PIGQ: variants seen among roughly 807,000 people sequenced by gnomAD.
The protein encoded by PIGQ is phosphatidylinositol N-acetylglucosaminyltransferase subunit Q.
In PIGQ, 54 loss-of-function variants were observed where a neutral mutation model predicts 60.3. The ratio of observed to expected loss-of-function variants is 0.90; its 90% confidence interval spans 0.72 to 1.12. PIGQ has a LOEUF of 1.12. PIGQ is among the 50% of genes most tolerant of loss of function. PIGQ has a pLI of 0.00. For missense variants in PIGQ, 799 were observed against 793.5 expected, an observed-to-expected ratio of 1.01 and a Z score of -0.08; for synonymous variants, 416 against 363.7, an observed-to-expected ratio of 1.14 and a Z score of -1.64.
chr16:575,565 C>G (rs2035702816), intron 2 of PIGQ, among the ~76,000 whole-genome samples: 1 of 152,186 alleles, frequency 6.6e-6, no homozygotes, highest in Non-Finnish European at 1.5e-5. Context: ...CTGGCAGGCG[C>G]TTCTTGGCAC....
chr16:571,038 CGTGTGTGTGTGTGTGTGT>C (rs1176149269), intron 1 of PIGQ, among the ~76,000 whole-genome samples: 3 of 85,224 alleles, frequency 3.5e-5, no homozygotes, highest in Non-Finnish European at 5.2e-5. Context: ...GCCTGGCGCC[CGTGTGTGTGTGTGTGTGT>C]GTGTGTGTGT....
At position 578,420 on chromosome 16, in the gene PIGQ, G is replaced by C. The variant is rs993747440; in HGVS notation, c.984G>C (p.Met328Ile). The part of the protein sequence containing the change: ...EELQHLLQWL[M>I]GAPAGLKMNR... ...TCCAGCATCTGCTGCAGTGGCTGATGGGTGCTCCCGCCGGGCTCAAGATGA... is the reference window on the plus strand; with the variant it reads ...TCCAGCATCTGCTGCAGTGGCTGATCGGTGCTCCCGCCGGGCTCAAGATGA... The change falls in exon 5 of 11, where the codon ATG becomes ATC. Residue 328 changes from methionine to isoleucine, a missense_variant. Met to Ile is a conservative substitution (Grantham distance 10, BLOSUM62 1). Coordinates refer to ENST00000321878, the MANE Select transcript of PIGQ (RefSeq NM_004204.5). 6.2e-7 allele frequency: 1 copy of C among 1,612,072 alleles called. No homozygotes were observed. The highest frequency in any genetic ancestry group is 1.3e-5 in the African/African-American group (1 of 74,932).
intron 4 of PIGQ, chr16:577,305 T>G (rs147888861): frequency 1.3e-5 from 2 of 151,946 alleles, no homozygotes; most frequent in Non-Finnish European, 1.5e-5. Flanking sequence ...CAGCCGGGGG[T>G]GGTGGCTCAT....
chr16:578,774 C>A lies in PIGQ; in HGVS notation c.1070-11C>A, dbSNP rs770120211. 9 of 1,612,000 alleles carry A rather than the reference C, an allele frequency of 5.6e-6. No individual in the cohort carries two copies. The highest frequency in any genetic ancestry group is 7.6e-6 in the Non-Finnish European group (9 of 1,178,710). ...CTGAGCGCCTCCTGAGGGCCTACCCCACCCTGCCAGGCTACATCCACCTCA... is the reference window on the plus strand; with the variant it reads ...CTGAGCGCCTCCTGAGGGCCTACCCAACCCTGCCAGGCTACATCCACCTCA... On this transcript the variant is annotated splice_polypyrimidine_tract_variant and intron_variant, in intron 5 of 10. Transcript: ENST00000321878.
chr16:571,488 CTGTG>C (rs71299924), intron 1 of PIGQ, among the ~76,000 whole-genome samples: 1,646 of 61,732 alleles, frequency 0.027, 29 homozygotes, highest in East Asian at 0.056. Context: ...TCTGGTTAGC[CTGTG>C]TGTGTGTGTG....
In PIGQ at chr16:574,565, C is replaced by G. The variant is rs1444325179; in HGVS notation, c.491C>G (p.Ala164Gly). The change falls in exon 2 of 11, where the codon GCC becomes GGC. Residue 164 changes from alanine (A) to glycine (G), a missense_variant. Ala to Gly is a moderately conservative substitution (Grantham distance 60). Transcript: ENST00000321878. ...ATTASTGGLA[A>G]VFDTVARSEV... is the part of the protein sequence containing the mutation. ...ACTGCCAGCACGGGGGGCCTGGCTG[C>G]CGTCTTCGACACGGTAGCACGCAGT... is the stretch of plus-strand genomic sequence containing the variant. The G allele has an allele frequency of 1.9e-6, 3 of 1,602,804 alleles. No individual in the cohort carries two copies.
intron 10 of PIGQ, 68 bp downstream of exon 10, chr16:582,377 G>C (rs1294847730): frequency 1.7e-6 from 2 of 1,208,256 alleles, no homozygotes; most frequent in African/African-American, 3.0e-5. Flanking sequence ...GGGTCAGCTG[G>C]GTGTAGTGTC....
intron 10 of PIGQ, 188 bp from the exon 11 acceptor site, chr16:582,695 C>T (rs1355338164): frequency 5.8e-6 from 4 of 685,652 alleles, no homozygotes; most frequent in African/African-American, 1.8e-5. Flanking sequence ...GCTTCTGCCT[C>T]CCCCCAGCGC....
In PIGQ at chr16:582,921, C is replaced by T; in HGVS notation, c.1632C>T (p.Tyr544=). Residue 544 remains tyrosine (Y), a synonymous_variant, in exon 11 of 11, where the codon TAC becomes TAT. Transcript: ENST00000321878. Reference sequence around the variant, plus strand: ...CCTACAGCCGCGTGGTGCACACCTACCGCCTCCCCAGCTGTGGCTGCCACC... The same window carrying T: ...CCTACAGCCGCGTGGTGCACACCTATCGCCTCCCCAGCTGTGGCTGCCACC... ...PLPYSRVVHT[Y]RLPSCGCHPK... The T allele has an allele frequency of 1.9e-6, 3 of 1,612,140 alleles. No homozygotes were observed. Among genetic ancestry groups the T allele is most frequent in the Non-Finnish European group, 2.5e-6 (3 of 1,179,582 alleles).
At chr16:571,106 T>G (rs1567173447) in intron 1 of PIGQ, among the ~76,000 whole-genome samples, 1 of 2,780 alleles carries the variant, frequency 3.6e-4, no homozygotes, top group Non-Finnish European at 6.6e-4. Context: ...TGTGTGTGTG[T>G]GTCTGGCTAG....
rs1463376903 is a variant in PIGQ, at chr16:574,086, G to T, written c.12G>T (p.Lys4Asn). The change falls in exon 2 of 11, where the codon AAG (lysine) becomes AAT (asparagine). Residue 4 changes from lysine to asparagine, a missense_variant. Coordinates refer to ENST00000321878, the MANE Select transcript of PIGQ (RefSeq NM_004204.5). The part of the protein sequence containing the change: MVL[K>N]AFFPTCCVST... ...TCCAGCCTCCCGGCATGGTGCTCAA[G>T]GCCTTCTTCCCCACGTGCTGCGTCT... The T allele has an allele frequency of 1.9e-6, 3 of 1,603,364 alleles. No homozygotes were observed. In the African/African-American group the frequency reaches 4.0e-5, roughly 21 times the overall value.
intron 7 of PIGQ, chr16:579,926 T>C (rs2035785875): frequency 2.7e-6 from 1 of 365,578 alleles, no homozygotes; most frequent in East Asian, 4.1e-5. Flanking sequence ...ATGCAGAGCA[T>C]GTTCTTGGTG....
At position 574,100 on chromosome 16, in the gene PIGQ, C is replaced by T. The variant is rs751040031; in HGVS notation, c.26C>T (p.Thr9Met). Reference protein sequence around the residue: MVLKAFFPTCCVSTDSGLL... With the variant: MVLKAFFPMCCVSTDSGLL... ...ATGGTGCTCAAGGCCTTCTTCCCCA[C>T]GTGCTGCGTCTCGACGGACAGCGGG... Residue 9 changes from threonine (T) to methionine (M), a missense_variant, in exon 2 of 11, where the codon ACG becomes ATG. By Grantham distance (81) the Thr-to-Met change is moderately conservative (BLOSUM62 -1). Transcript: ENST00000321878. 5.0e-6 allele frequency: 8 copies of T among 1,607,646 alleles called. No individual in the cohort carries two copies. Among genetic ancestry groups the T allele is most frequent in the East Asian group, 2.2e-5 (1 of 44,800 alleles).
chr16:579,047 C>T, intron 6 of PIGQ, 22 bp from the exon 7 acceptor site: 1 of 1,602,122 alleles, frequency 6.2e-7, no homozygotes, highest in East Asian at 2.2e-5. Flanking sequence ...GGGGCCGGGC[C>T]CGACAGCACT....
Position 574,131 on chromosome 16 carries a change from G to T in PIGQ, c.57G>T (p.Leu19=). 1 of 1,611,696 alleles carries T rather than the reference G, an allele frequency of 6.2e-7. No individual in the cohort carries two copies. Residue 19 remains leucine (L), a synonymous_variant, in exon 2 of 11, where the codon CTG becomes CTT. Transcript: ENST00000321878. The stretch of plus-strand genomic sequence containing the variant: ...GCGTCTCGACGGACAGCGGGCTGCT[G>T]GTGGGACGGTGGGTGCCGGAGCAGA... ...TCCVSTDSGL[L]VGRWVPEQSS...
intron 2 of PIGQ, 59 bp from the exon 3 acceptor site, chr16:575,780 G>A: frequency 6.6e-7 from 1 of 1,523,412 alleles, no homozygotes; most frequent in Non-Finnish European, 8.8e-7. Flanking sequence ...CTGCACAGTG[G>A]GGGACGGTGG....
chr16:571,917 T>C (rs1410775591), intron 1 of PIGQ, among the ~76,000 whole-genome samples: 3 of 151,986 alleles, frequency 2.0e-5, no homozygotes, highest in African/African-American at 4.8e-5. Flanking sequence ...AGGTAAACTT[T>C]GTAGATGAAG....
chr16:581,380 C>A, intron 9 of PIGQ: 1 of 1,165,238 alleles, frequency 8.6e-7, no homozygotes, highest in Middle Eastern at 3.3e-4. Flanking sequence ...ACCCCGTCCA[C>A]TCAACAGCAC....
chr16:574,374 AGGC>A lies in PIGQ; in HGVS notation c.304_306del (p.Gly102del). 6.2e-7 allele frequency: 1 copy of A among 1,610,358 alleles called. No individual in the cohort carries two copies. Among genetic ancestry groups the A allele is most frequent in the Non-Finnish European group, 8.5e-7 (1 of 1,179,372 alleles). On this transcript the variant is annotated inframe_deletion, in exon 2 of 11. Transcript: ENST00000321878. ...CCTGGCTGCGGCTGTGCCGGGAGAG[AGGC>A]GGCACGTTCTGGAGCTGCGAGGCCA...
Sources: gnomAD v4.1 joint callset for allele counts (sites outside exome capture counted in the v4.1 genomes callset) on GRCh38, gnomAD v4.1.1 for gene constraint, MANE v1.5 for transcripts, NCBI Gene and HGNC (gene_info 2026-07-23, HGNC 2026-07-21) for gene names.